The following HMBOX1 variants were observed in gnomAD, a reference collection of about 807,000 sequenced individuals.
HMBOX1 encodes homeobox-containing protein 1.
A neutral mutation model predicts 54.5 loss-of-function variants in HMBOX1; 14 were observed. The ratio of observed to expected loss-of-function variants is 0.26; its 90% CI spans 0.17 to 0.40. The LOEUF (loss-of-function observed/expected upper bound fraction) is 0.40. Among genes scored for constraint, HMBOX1 ranks in the 10% least tolerant of loss-of-function variants. HMBOX1 has a pLI of 1.00. For synonymous variants in HMBOX1, 160 were observed against 181.0 expected (o/e 0.88, Z 0.93); for missense variants, 332 against 514.4 (o/e 0.65, Z 3.43).
intron 6 of HMBOX1, among the ~76,000 whole-genome samples, chr8:29,019,130 A>T (rs1297089726): frequency 6.6e-6 from 1 of 152,204 alleles, no homozygotes; most frequent in East Asian, 1.9e-4. Flanking sequence ...AATTTATTTT[A>T]CTTATAATAG....
intron 4 of HMBOX1, among the ~76,000 whole-genome samples, chr8:28,986,109 AC>A (rs1480450509): frequency 6.6e-6 from 1 of 152,064 alleles, no homozygotes; most frequent in Non-Finnish European, 1.5e-5. Flanking sequence ...ACTCCTGGCA[AC>A]CTTTTTATGG....
intron 4 of HMBOX1, among the ~76,000 whole-genome samples, chr8:28,997,949 T>C (rs1000928578): frequency 1.3e-5 from 2 of 152,210 alleles, no homozygotes; most frequent in African/African-American, 4.8e-5. Flanking sequence ...TTTTTATTTT[T>C]ATAGAAGAGT....
chr8:28,929,936 C>T lies in HMBOX1; in HGVS notation c.-57-33875C>T, dbSNP rs866856813. On this transcript the variant is annotated intron_variant, in intron 1 of 9. Coordinates refer to ENST00000287701, the MANE Select transcript of HMBOX1 (RefSeq NM_001135726.3). ...CGTTTCTAACACCCCGCCCCCCGCC[C>T]GCCCCCCGCCCCGCCAATGGAGACT... 1.8e-3 allele frequency among the ~76,000 whole-genome samples: 234 copies of T among 130,934 alleles called. 2 individuals are homozygous for T. The highest frequency in any genetic ancestry group is 0.011 in the Middle Eastern group (3 of 268). The allele number at this position is 130,934 out of a possible 152,430, so 85.9% of individuals were successfully genotyped here. A position where few individuals can be genotyped will look rare whatever the true frequency, so the allele number is the denominator to read the frequency against.
At chr8:29,021,026 A>G (rs1176539424) in intron 6 of HMBOX1, among the ~76,000 whole-genome samples, 2 of 152,034 alleles carry the variant, frequency 1.3e-5, no homozygotes, top group Non-Finnish European at 2.9e-5. Flanking sequence ...AATTCAAAAA[A>G]TATCTGGGCG....
intron 4 of HMBOX1, among the ~76,000 whole-genome samples, chr8:29,007,152 G>T (rs1306813145): frequency 6.6e-6 from 1 of 152,056 alleles, no homozygotes; most frequent in Non-Finnish European, 1.5e-5. Context: ...ATCTGGGCAT[G>T]GTGGCGCATG....
intron 6 of HMBOX1, among the ~76,000 whole-genome samples, chr8:29,037,462 G>A (rs572095459): frequency 2.1e-3 from 319 of 152,182 alleles, no homozygotes; most frequent in Non-Finnish European, 3.6e-3. Context: ...ATATAAAATT[G>A]AGGGATACAC....
intron 9 of HMBOX1, 161 bp downstream of exon 9, chr8:29,049,209 G>A: frequency 6.7e-7 from 1 of 1,500,888 alleles, no homozygotes. Context: ...TAATTTGAAA[G>A]GAATGTGGTA....
At chr8:28,952,175 A>AG (rs1823562431) in intron 1 of HMBOX1, among the ~76,000 whole-genome samples, 1 of 150,514 alleles carries the variant, frequency 6.6e-6, no homozygotes, top group African/African-American at 2.4e-5. Flanking sequence ...AAAAAAAAAA[A>AG]GAAAAAGAAA....
chr8:28,986,064 T>C (rs1398365408), intron 4 of HMBOX1, among the ~76,000 whole-genome samples: 1 of 152,230 alleles, frequency 6.6e-6, no homozygotes, highest in African/African-American at 2.4e-5. Flanking sequence ...CAAAAACTTC[T>C]CTGTGCTTTG....
intron 1 of HMBOX1, among the ~76,000 whole-genome samples, chr8:28,917,851 A>G (rs1406489182): frequency 6.6e-6 from 1 of 152,188 alleles, no homozygotes; most frequent in African/African-American, 2.4e-5. Flanking sequence ...ATACTGAATA[A>G]ACCTTGCATG....
intron 5 of HMBOX1, among the ~76,000 whole-genome samples, chr8:29,014,810 G>T (rs1834752838): frequency 6.6e-6 from 1 of 152,076 alleles, no homozygotes; most frequent in Admixed American, 6.5e-5. Flanking sequence ...CTCCTGAGTA[G>T]CTGGGATTAC....
In HMBOX1 at chr8:28,924,200, G is replaced by A. The variant is rs970471725; in HGVS notation, c.-58+33522G>A. ...TGGCTCACTGCAAGCTCCGCCTCCC[G>A]GGTTCACGCCATTCTCCTGCCTCAG... On this transcript the variant is annotated intron_variant, in intron 1 of 9. Coordinates refer to ENST00000287701, the MANE Select transcript of HMBOX1 (RefSeq NM_001135726.3). Among the ~76,000 whole-genome samples the A allele has an allele frequency of 4.0e-5, 6 of 150,278 alleles. 1 individual carries two copies. Among genetic ancestry groups the A allele is most frequent in the South Asian group, 4.2e-4 (2 of 4,718 alleles).
chr8:28,944,490 C>T (rs1421106765), intron 1 of HMBOX1, among the ~76,000 whole-genome samples: 4 of 152,208 alleles, frequency 2.6e-5, no homozygotes, highest in Non-Finnish European at 5.9e-5. Context: ...TCATTCATGG[C>T]ATCCTTTGAA....
chr8:29,012,685 T>C (rs1425822964), intron 5 of HMBOX1, among the ~76,000 whole-genome samples: 1 of 152,210 alleles, frequency 6.6e-6, no homozygotes, highest in Non-Finnish European at 1.5e-5. Context: ...CTAATGTGTC[T>C]TTCTAAATTT....
intron 3 of HMBOX1, among the ~76,000 whole-genome samples, chr8:28,972,984 T>C (rs1827680664): frequency 6.6e-6 from 1 of 152,192 alleles, no homozygotes; most frequent in African/African-American, 2.4e-5. Flanking sequence ...TCCATTTCTC[T>C]GCTTCTTTAT....
intron 1 of HMBOX1, among the ~76,000 whole-genome samples, chr8:28,917,679 G>A (rs1019668255): frequency 3.3e-5 from 5 of 151,970 alleles, no homozygotes; most frequent in African/African-American, 9.7e-5. Context: ...TATATTTAGG[G>A]TTTTCATGGA....
intron 1 of HMBOX1, among the ~76,000 whole-genome samples, chr8:28,923,962 T>A (rs1817972309): frequency 6.6e-6 from 1 of 152,130 alleles, no homozygotes; most frequent in South Asian, 2.1e-4. Flanking sequence ...ATTAGGCTGT[T>A]TTTTTGTTGT....
intron 3 of HMBOX1, among the ~76,000 whole-genome samples, chr8:28,971,565 G>A (rs952822886): frequency 6.6e-6 from 1 of 152,042 alleles, no homozygotes; most frequent in African/African-American, 2.4e-5. Flanking sequence ...TGACCTAAAT[G>A]GTAAAGAATA....
chr8:28,939,635 G>A (rs925033046), intron 1 of HMBOX1, among the ~76,000 whole-genome samples: 3 of 151,596 alleles, frequency 2.0e-5, no homozygotes, highest in Admixed American at 6.6e-5. Context: ...TCAGCCTCCC[G>A]ATTAGCTGGG....
Sources: gnomAD v4.1 joint callset for allele counts (sites outside exome capture counted in the v4.1 genomes callset) on GRCh38, gnomAD v4.1.1 for gene constraint, MANE v1.5 for transcripts, NCBI Gene and HGNC (gene_info 2026-07-23, HGNC 2026-07-21) for gene names.